GBE1: variants seen among roughly 807,000 people sequenced by gnomAD.
GBE1 encodes the protein 1,4-alpha-glucan-branching enzyme.
A neutral mutation model predicts 88.8 loss-of-function variants in GBE1; 70 were observed. That is an observed-to-expected ratio of 0.79 (90% CI 0.65 to 0.96). The LOEUF (loss-of-function observed/expected upper bound fraction) is 0.96, where lower values mean the gene tolerates loss of function less well. Ranked by LOEUF, GBE1 falls within the 40% of genes least tolerant of loss-of-function variation. The pLI is 0.00. For synonymous variants in GBE1, 284 were observed against 300.1 expected, an observed-to-expected ratio of 0.95 and a Z score of 0.56; for missense variants, 872 against 871.0, an observed-to-expected ratio of 1.00 and a Z score of -0.01.
intron 3 of GBE1, among the ~76,000 whole-genome samples, chr3:81,653,531 A>G (rs983402057): frequency 6.6e-6 from 1 of 152,110 alleles, no homozygotes; most frequent in African/African-American, 2.4e-5. Context: ...TCAATGAATC[A>G]GCAATACTAA....
intron 3 of GBE1, among the ~76,000 whole-genome samples, chr3:81,666,715 A>G (rs962815965): frequency 4.6e-5 from 7 of 152,190 alleles, no homozygotes; most frequent in African/African-American, 1.7e-4. Flanking sequence ...GGGAGATATA[A>G]CTTCACTGCC....
At chr3:81,522,887 T>G (rs1245924940) in intron 14 of GBE1, among the ~76,000 whole-genome samples, 1 of 151,582 alleles carries the variant, frequency 6.6e-6, no homozygotes, top group East Asian at 1.9e-4. Context: ...TTTTCCAATG[T>G]CTGTATCATT....
At chr3:81,693,470 T>C (rs1705550037) in intron 2 of GBE1, among the ~76,000 whole-genome samples, 1 of 152,110 alleles carries the variant, frequency 6.6e-6, no homozygotes, top group Non-Finnish European at 1.5e-5. Context: ...AATTTAATGT[T>C]ATTAATATAT....
intron 1 of GBE1, among the ~76,000 whole-genome samples, chr3:81,758,108 G>A (rs963361382): frequency 2.0e-5 from 3 of 152,166 alleles, no homozygotes; most frequent in African/African-American, 7.2e-5. Flanking sequence ...TTTCAGTAAA[G>A]AAAGATTAAT....
intron 2 of GBE1, among the ~76,000 whole-genome samples, chr3:81,703,819 G>C (rs1031051387): frequency 1.3e-5 from 2 of 151,912 alleles, no homozygotes; most frequent in African/African-American, 4.8e-5. Context: ...AAACAATACA[G>C]TATAACAAAT....
At chr3:81,738,681 G>A (rs761140221) in intron 1 of GBE1, among the ~76,000 whole-genome samples, 27 of 151,970 alleles carry the variant, frequency 1.8e-4, no homozygotes, top group Non-Finnish European at 2.9e-4. Flanking sequence ...TTTATTTTCC[G>A]TATCTCCTAA....
chr3:81,611,482 G>A (rs1704181962), intron 7 of GBE1, among the ~76,000 whole-genome samples: 1 of 152,188 alleles, frequency 6.6e-6, no homozygotes, highest in Non-Finnish European at 1.5e-5. Flanking sequence ...ATGTAGAAAA[G>A]TGATTGGATC....
intron 12 of GBE1, 110 bp from the exon 13 acceptor site, chr3:81,537,205 T>C: frequency 1.4e-6 from 1 of 724,144 alleles, no homozygotes; most frequent in Non-Finnish European, 2.0e-6. Context: ...GTTTAGGCTA[T>C]CATTTACTAG....
chr3:81,600,442 C>T (rs1704016578), intron 7 of GBE1, among the ~76,000 whole-genome samples: 1 of 151,994 alleles, frequency 6.6e-6, no homozygotes, highest in Non-Finnish European at 1.5e-5. Context: ...CTTGAGGCAA[C>T]TTACAGAGAT....
intron 1 of GBE1, among the ~76,000 whole-genome samples, chr3:81,751,190 G>A (rs186617512): frequency 9.2e-5 from 14 of 152,168 alleles, no homozygotes; most frequent in Non-Finnish European, 2.1e-4. Flanking sequence ...AATACTGAGG[G>A]GTGTTACTAT....
chr3:81,683,833 A>G (rs1338388665), intron 2 of GBE1, among the ~76,000 whole-genome samples: 2 of 152,194 alleles, frequency 1.3e-5, no homozygotes, highest in Admixed American at 1.3e-4. Context: ...TATACATTTC[A>G]TATATATTTG....
intron 7 of GBE1, among the ~76,000 whole-genome samples, chr3:81,602,648 A>G (rs1168251110): frequency 6.6e-6 from 1 of 152,128 alleles, no homozygotes; most frequent in Non-Finnish European, 1.5e-5. Flanking sequence ...CCACTTCCTA[A>G]TATGATCACC....
intron 3 of GBE1, among the ~76,000 whole-genome samples, chr3:81,651,993 C>T (rs2107079346): frequency 6.6e-6 from 1 of 152,326 alleles, no homozygotes; most frequent in East Asian, 1.9e-4. Context: ...TTCTCTGATG[C>T]TCCTATATCT....
chr3:81,629,713 A>T (rs1704477962), intron 7 of GBE1, among the ~76,000 whole-genome samples: 1 of 151,852 alleles, frequency 6.6e-6, no homozygotes, highest in Non-Finnish European at 1.5e-5. Flanking sequence ...TTTTTTATAT[A>T]TTTTTTATTA....
At chr3:81,511,065 T>C (rs1702720402) in intron 14 of GBE1, among the ~76,000 whole-genome samples, 1 of 151,842 alleles carries the variant, frequency 6.6e-6, no homozygotes, top group African/African-American at 2.4e-5. Context: ...AAAACAAAAA[T>C]AAACAATGGG....
chr3:81,760,810 G>GA (rs1559712213), intron 1 of GBE1, among the ~76,000 whole-genome samples: 1 of 152,178 alleles, frequency 6.6e-6, no homozygotes, highest in Non-Finnish European at 1.5e-5. Flanking sequence ...TCCAAGGGGA[G>GA]AAAAAATTGA....
At chr3:81,604,539 G>A (rs1038331943) in intron 7 of GBE1, among the ~76,000 whole-genome samples, 9 of 151,364 alleles carry the variant, frequency 5.9e-5, no homozygotes, top group Middle Eastern at 3.4e-3. Flanking sequence ...TGCCCACCTC[G>A]GTCTCCCAAA....
At chr3:81,550,686 C>G (rs373556403) in intron 12 of GBE1, among the ~76,000 whole-genome samples, 1 of 152,164 alleles carries the variant, frequency 6.6e-6, no homozygotes, top group African/African-American at 2.4e-5. Flanking sequence ...ACCAACATGG[C>G]AATGAGAGTG....
At chr3:81,589,621 A>G (rs1703849502) in intron 9 of GBE1, among the ~76,000 whole-genome samples, 2 of 151,916 alleles carry the variant, frequency 1.3e-5, no homozygotes, top group Non-Finnish European at 2.9e-5. Context: ...TGATGAAACT[A>G]TTTTACTTGA....
Sources: allele counts gnomAD v4.1 joint callset (sites outside exome capture counted in the v4.1 genomes callset), GRCh38; gene constraint gnomAD v4.1.1; transcripts MANE v1.5; gene names NCBI Gene and HGNC (gene_info 2026-07-23, HGNC 2026-07-21).